Variants in EPHA3 observed in about 807,000 individuals in gnomAD.
EPHA3 encodes ephrin type-A receptor 3.
Under a neutral mutation model 107.1 loss-of-function variants are expected in EPHA3, and 42 were observed. That is an observed-to-expected ratio of 0.39 (90% CI 0.31 to 0.51). The LOEUF (loss-of-function observed/expected upper bound fraction) is 0.51. Ranked by LOEUF, EPHA3 falls within the 20% of genes least tolerant of loss-of-function variation. The pLI is 0.78. For synonymous variants in EPHA3, 461 were observed against 424.8 expected, an observed-to-expected ratio of 1.09 and a Z score of -1.05; for missense variants, 1,183 against 1,211.2, an observed-to-expected ratio of 0.98 and a Z score of 0.35.
At chr3:89,459,441 TTC>T (rs893109384) in intron 15 of EPHA3, among the ~76,000 whole-genome samples, 3 of 150,728 alleles carry the variant, frequency 2.0e-5, no homozygotes, top group Non-Finnish European at 4.4e-5. Context: ...CTTTCTTTCT[TTC>T]TCTTTCTTTC....
intron 2 of EPHA3, among the ~76,000 whole-genome samples, chr3:89,175,215 G>A (rs1232264284): frequency 6.6e-6 from 1 of 151,940 alleles, no homozygotes; most frequent in African/African-American, 2.4e-5. Flanking sequence ...AACAAATTGG[G>A]TCACAGGTGC....
At chr3:89,284,841 G>A (rs1271172177) in intron 3 of EPHA3, among the ~76,000 whole-genome samples, 1 of 152,050 alleles carries the variant, frequency 6.6e-6, no homozygotes, top group Non-Finnish European at 1.5e-5. Flanking sequence ...TTATTAAAAT[G>A]TGTTAGCCGA....
At chr3:89,297,320 T>A (rs1196788227) in intron 3 of EPHA3, among the ~76,000 whole-genome samples, 1 of 152,218 alleles carries the variant, frequency 6.6e-6, no homozygotes, top group Non-Finnish European at 1.5e-5. Context: ...CATGCAATAC[T>A]TTCTTTCACT....
At chr3:89,163,890 G>A (rs1388920275) in intron 2 of EPHA3, among the ~76,000 whole-genome samples, 1 of 152,160 alleles carries the variant, frequency 6.6e-6, no homozygotes, top group African/African-American at 2.4e-5. Context: ...AAACTGGTCT[G>A]GTGGTTTATC....
In EPHA3 at chr3:89,481,493, C is replaced by T. The variant is rs1324356424; in HGVS notation, c.*1991C>T. On this transcript the variant is annotated 3_prime_UTR_variant, in exon 17 of 17. Transcript: ENST00000336596. ...AATGAGATCTGAATGTGGTTTCAAT[C>T]TAATTTTTTCCCAGACTACTATTTT... 1 of 231,958 alleles carries T rather than the reference C, an allele frequency of 4.3e-6. No homozygotes were observed. The highest frequency in any genetic ancestry group is 8.5e-6 in the Non-Finnish European group (1 of 117,474). 14.4% of individuals were successfully genotyped at this position (231,958 alleles called of 1,614,324 possible).
chr3:89,270,945 A>G (rs1038991559), intron 3 of EPHA3, among the ~76,000 whole-genome samples: 1 of 152,120 alleles, frequency 6.6e-6, no homozygotes, highest in Non-Finnish European at 1.5e-5. Flanking sequence ...CATTGTATTC[A>G]CATTAAGTAA....
intron 13 of EPHA3, among the ~76,000 whole-genome samples, chr3:89,448,644 A>G (rs1401422356): frequency 6.6e-6 from 1 of 152,226 alleles, no homozygotes; most frequent in African/African-American, 2.4e-5. Flanking sequence ...AGACACTTCA[A>G]TGACTAATGA....
chr3:89,480,759 C>T lies in EPHA3; in HGVS notation c.*1257C>T, dbSNP rs986900277. The T allele has an allele frequency of 6.0e-5, 14 of 232,602 alleles. No homozygotes were observed. The highest frequency in any genetic ancestry group is 3.1e-4 in the African/African-American group (14 of 45,400). The allele number at this position is 232,602 out of a possible 1,614,324, so 14.4% of individuals were successfully genotyped here. A position where few individuals can be genotyped will look rare whatever the true frequency, so the allele number is the denominator to read the frequency against. Reference sequence around the variant, plus strand: ...CTGGTGTTTAGGTGAATTAATTAAACATTGTGATCATTAGTACCAGGTATT... The same window carrying T: ...CTGGTGTTTAGGTGAATTAATTAAATATTGTGATCATTAGTACCAGGTATT... On this transcript the variant is annotated 3_prime_UTR_variant, in exon 17 of 17. Transcript: ENST00000336596.
At chr3:89,468,255 A>T (rs1576393952) in intron 15 of EPHA3, among the ~76,000 whole-genome samples, 1 of 150,540 alleles carries the variant, frequency 6.6e-6, no homozygotes, top group Non-Finnish European at 1.5e-5. Context: ...AAATTAGGTC[A>T]TTTTTTTTTG....
intron 1 of EPHA3, among the ~76,000 whole-genome samples, chr3:89,116,738 A>C (rs926653461): frequency 1.1e-4 from 13 of 120,214 alleles, no homozygotes; most frequent in African/African-American, 3.3e-4. Flanking sequence ...AAAAAAAAAA[A>C]AAACTAATGT....
intron 13 of EPHA3, among the ~76,000 whole-genome samples, chr3:89,447,226 C>T (rs1218949168): frequency 2.6e-5 from 4 of 152,148 alleles, no homozygotes; most frequent in African/African-American, 9.7e-5. Context: ...TCTCTGGCTC[C>T]GGTCTCTCCA....
At chr3:89,335,827 G>A in intron 3 of EPHA3, among the ~76,000 whole-genome samples, 1 of 152,166 alleles carries the variant, frequency 6.6e-6, no homozygotes, top group East Asian at 1.9e-4. Flanking sequence ...CTGGGGTTAA[G>A]ATCCATGAAT....
intron 3 of EPHA3, among the ~76,000 whole-genome samples, chr3:89,320,002 G>C (rs906475705): frequency 6.6e-6 from 1 of 151,774 alleles, no homozygotes; most frequent in Non-Finnish European, 1.5e-5. Context: ...GGCAAAACAA[G>C]TATGTATTTA....
At chr3:89,329,352 C>T (rs1411020937) in intron 3 of EPHA3, among the ~76,000 whole-genome samples, 1 of 152,082 alleles carries the variant, frequency 6.6e-6, no homozygotes, top group Non-Finnish European at 1.5e-5. Flanking sequence ...GGTTATGTGA[C>T]ATTTCCAGAT....
chr3:89,147,501 C>T (rs981789778), intron 2 of EPHA3, among the ~76,000 whole-genome samples: 1 of 151,758 alleles, frequency 6.6e-6, no homozygotes, highest in Non-Finnish European at 1.5e-5. Flanking sequence ...GCTTTGGCAC[C>T]TCACACTGCA....
chr3:89,279,861 C>T (rs1283160559), intron 3 of EPHA3, among the ~76,000 whole-genome samples: 2 of 152,148 alleles, frequency 1.3e-5, no homozygotes, highest in East Asian at 3.9e-4. Context: ...TGGGAAAAGC[C>T]ACTCTAAATA....
intron 2 of EPHA3, among the ~76,000 whole-genome samples, chr3:89,151,772 G>C (rs776006120): frequency 1.3e-5 from 2 of 151,900 alleles, no homozygotes; most frequent in African/African-American, 4.8e-5. Flanking sequence ...TTCTCTACAT[G>C]AGCATAATAG....
chr3:89,247,048 C>T (rs1705049912), intron 3 of EPHA3, among the ~76,000 whole-genome samples: 1 of 152,158 alleles, frequency 6.6e-6, no homozygotes. Context: ...TCAACGAGTA[C>T]TTCTTGAGCA....
At chr3:89,182,476 A>G (rs888515746) in intron 2 of EPHA3, among the ~76,000 whole-genome samples, 1 of 151,950 alleles carries the variant, frequency 6.6e-6, no homozygotes, top group Non-Finnish European at 1.5e-5. Context: ...TAGATTCTCA[A>G]TTGATTTTCC....
Sources: gnomAD v4.1 joint callset for allele counts (sites outside exome capture counted in the v4.1 genomes callset) on GRCh38, gnomAD v4.1.1 for gene constraint, MANE v1.5 for transcripts, NCBI Gene and HGNC (gene_info 2026-07-23, HGNC 2026-07-21) for gene names.